GZMH: variants seen among roughly 807,000 people sequenced by gnomAD.
The protein encoded by GZMH is granzyme H, also known as cathepsin G-like 2, protein h-CCPX.
A neutral mutation model predicts 20.7 loss-of-function variants in GZMH; 24 were observed. The ratio of observed to expected loss-of-function variants is 1.16; its 90% CI spans 0.84 to 1.63. The LOEUF (loss-of-function observed/expected upper bound fraction) is 1.63, where lower values mean the gene tolerates loss of function less well. GZMH is among the 40% of genes most tolerant of loss of function. The pLI is 0.00. For missense variants in GZMH, 344 were observed against 302.7 expected (o/e 1.14, Z -1.01); for synonymous variants, 119 against 116.1 (o/e 1.02, Z -0.16).
chr14:24,608,281 CA>C lies in GZMH; in HGVS notation c.186del (p.Ala63LeufsTer8). The C allele has an allele frequency of 1.2e-6, 2 of 1,614,114 alleles. No homozygotes were observed. Among genetic ancestry groups the C allele is most frequent in the Non-Finnish European group, 1.7e-6 (2 of 1,179,992 alleles). On this transcript the variant is annotated frameshift_variant, in exon 2 of 5. Transcript: ENST00000216338. LOFTEE classifies it high-confidence loss of function. ...GCTCCTTACCTTCCCTGGCAGTGAGCAGCTGTCAGCACAAAGTCCTTTCTCA... is the reference window on the plus strand; with the variant it reads ...GCTCCTTACCTTCCCTGGCAGTGAGCGCTGTCAGCACAAAGTCCTTTCTCA... ...ILVRKDFVLTAAHCQGSSINV... is the reference protein window; with the variant it reads ...ILVRKDFVLTXAHCQGSSINV...
At position 24,609,664 on chromosome 14, in the gene GZMH, G is replaced by C. The variant is rs1260747304; in HGVS notation, c.-51C>G. On this transcript the variant is annotated 5_prime_UTR_variant, in exon 1 of 5. Transcript: ENST00000216338. ...GAGCTGTTGGTGTTGACTCCTTCCA[G>C]AAACAAATGCTGGAGGGAGATGAAG... The C allele has an allele frequency of 7.4e-7, 1 of 1,359,608 alleles. No individual in the cohort carries two copies. Among genetic ancestry groups the C allele is most frequent in the Admixed American group, 1.8e-5 (1 of 57,090 alleles). 84.2% of individuals were successfully genotyped at this position (1,359,608 alleles called of 1,614,324 possible).
Position 24,608,400 on chromosome 14 carries a change from C to G in GZMH, c.68G>C (p.Gly23Ala), listed in dbSNP as rs773404430. ...GGAGTGGGGCTTGGCCTCATGGCCC[C>G]CGATGATCTCCTCTGAAAGGAAAGA... Reference protein sequence around the residue: ...TPGAGTEEIIGGHEAKPHSRP... With the variant: ...TPGAGTEEIIAGHEAKPHSRP... Residue 23 changes from glycine to alanine, a missense_variant, in exon 2 of 5, where the codon GGG (glycine) becomes GCG (alanine). Gly to Ala is a moderately conservative substitution (Grantham distance 60, BLOSUM62 0). Coordinates refer to ENST00000216338, the MANE Select transcript of GZMH (RefSeq NM_033423.5). 4 of 1,613,888 alleles carry G rather than the reference C, an allele frequency of 2.5e-6. No homozygotes were observed. The highest frequency in any genetic ancestry group is 2.5e-6 in the Non-Finnish European group (3 of 1,179,938).
Position 24,607,226 on chromosome 14 carries a change from G to T in GZMH, c.520C>A (p.Arg174Ser). 6.2e-7 allele frequency: 1 copy of T among 1,614,052 alleles called. No homozygotes were observed. Among genetic ancestry groups the T allele is most frequent in the Non-Finnish European group, 8.5e-7 (1 of 1,179,954 alleles). Residue 174 changes from arginine (R) to serine (S), a missense_variant, in exon 4 of 5, where the codon CGT becomes AGT. By Grantham distance (110) the Arg-to-Ser change is moderately radical. Coordinates refer to ENST00000216338, the MANE Select transcript of GZMH (RefSeq NM_033423.5). ...CTGCTGTAATTGCCATGGAAGAGAC[G>T]TTCACACTGGCAGTCCTTCTGCACT... Reference protein sequence around the residue: ...LTVQKDCQCERLFHGNYSRAT... With the variant: ...LTVQKDCQCESLFHGNYSRAT...
Position 24,606,533 on chromosome 14 carries a change from C to G in GZMH, c.*70G>C. 8 of 1,461,366 alleles carry G rather than the reference C, an allele frequency of 5.5e-6. No individual in the cohort carries two copies. Among genetic ancestry groups the G allele is most frequent in the Non-Finnish European group, 7.5e-6 (8 of 1,067,630 alleles). The allele number at this position is 1,461,366 out of a possible 1,614,324, so 90.5% of individuals were successfully genotyped here. A position where few individuals can be genotyped will look rare whatever the true frequency, so the allele number is the denominator to read the frequency against. On this transcript the variant is annotated 3_prime_UTR_variant, in exon 5 of 5. Coordinates refer to ENST00000216338, the MANE Select transcript of GZMH (RefSeq NM_033423.5). The stretch of plus-strand genomic sequence containing the variant: ...ACAGTCCTGCAACCCCGACTGCCCA[C>G]CCCTTGGGGATTCTTGCCTCTGTCC...
rs529164462 is a variant in GZMH at position 24,608,403 on chromosome 14, A to G, written c.65T>C (p.Ile22Thr). 3 of 1,614,002 alleles carry G rather than the reference A, an allele frequency of 1.9e-6. No homozygotes were observed. In the Admixed American group the frequency reaches 5.0e-5, roughly 27 times the overall value. ...GTGGGGCTTGGCCTCATGGCCCCCGATGATCTCCTCTGAAAGGAAAGACTG... is the reference window on the plus strand; with the variant it reads ...GTGGGGCTTGGCCTCATGGCCCCCGGTGATCTCCTCTGAAAGGAAAGACTG... ...LTPGAGTEEI[I>T]GGHEAKPHSR... is the part of the protein sequence containing the mutation. The change falls in exon 2 of 5, where the codon ATC (isoleucine) becomes ACC (threonine). Residue 22 changes from isoleucine (I) to threonine (T), a missense_variant. Ile to Thr is a moderately conservative substitution (Grantham distance 89, BLOSUM62 -1). Coordinates refer to ENST00000216338, the MANE Select transcript of GZMH (RefSeq NM_033423.5).
Position 24,606,592 on chromosome 14 carries a change from C to G in GZMH, c.*11G>C, listed in dbSNP as rs751907479. 2 of 1,611,246 alleles carry G rather than the reference C, an allele frequency of 1.2e-6. No individual in the cohort carries two copies. The highest frequency in any genetic ancestry group is 1.7e-6 in the Non-Finnish European group (2 of 1,178,870). On this transcript the variant is annotated 3_prime_UTR_variant, in exon 5 of 5. Coordinates refer to ENST00000216338, the MANE Select transcript of GZMH (RefSeq NM_033423.5). ...GTCAGGCCCAGAGGAAGGTTAGTCT[C>G]ATGCCTGCTGTTAGAGGCGCTTCAT...
chr14:24,608,367 T>C lies in GZMH; in HGVS notation c.101A>G (p.Tyr34Cys). The C allele has an allele frequency of 6.2e-7, 1 of 1,614,158 alleles. No homozygotes were observed. The highest frequency in any genetic ancestry group is 2.2e-5 in the East Asian group (1 of 44,884). The change falls in exon 2 of 5, where the codon TAC (tyrosine) becomes TGC (cysteine). Residue 34 changes from tyrosine (Y) to cysteine (C), a missense_variant. Coordinates refer to ENST00000216338, the MANE Select transcript of GZMH (RefSeq NM_033423.5). Reference sequence around the variant, plus strand: ...TTGCAGAAACTGAACAAAGGCCATGTAGGGGCGGGAGTGGGGCTTGGCCTC... The same window carrying C: ...TTGCAGAAACTGAACAAAGGCCATGCAGGGGCGGGAGTGGGGCTTGGCCTC... The part of the protein sequence containing the change: ...GHEAKPHSRP[Y>C]MAFVQFLQEK...
chr14:24,608,845 G>T (rs1298009521), intron 1 of GZMH, among the ~76,000 whole-genome samples: 4 of 152,184 alleles, frequency 2.6e-5, no homozygotes, highest in Non-Finnish European at 4.4e-5. Context: ...ATTCTCATGT[G>T]CCAGGGCTGA....
At position 24,608,585 on chromosome 14, in the gene GZMH, C is replaced by T. The variant is rs184112053; in HGVS notation, c.56-173G>A. On this transcript the variant is annotated intron_variant, in intron 1 of 4. Coordinates refer to ENST00000216338, the MANE Select transcript of GZMH (RefSeq NM_033423.5). ...TGCAGGCAGAGCAAGCTTTTCTGAA[C>T]TTTAAGTCTCAGAACCTTCTCTCAG... Among the ~76,000 whole-genome samples the T allele has an allele frequency of 3.3e-5, 5 of 152,334 alleles. No individual in the cohort carries two copies. The East Asian group carries it at 9.6e-4, about 29-fold the overall frequency.
intron 1 of GZMH, 91 bp from the exon 2 acceptor site, chr14:24,608,503 T>C: frequency 3.5e-6 from 5 of 1,430,442 alleles, no homozygotes; most frequent in Non-Finnish European, 4.9e-6. Context: ...GTGAAGTGTT[T>C]TGTGTGCTGC....
chr14:24,606,938 C>T (rs149188440), intron 4 of GZMH, among the ~76,000 whole-genome samples, 192 bp from the exon 5 acceptor site: 48 of 152,312 alleles, frequency 3.2e-4, no homozygotes, highest in South Asian at 1.0e-3. Context: ...CTCACGGACA[C>T]TTTGGTGATA....
chr14:24,608,213 A>G lies in GZMH; in HGVS notation c.203+52T>C. The G allele has an allele frequency of 1.9e-6, 3 of 1,604,038 alleles. No individual in the cohort carries two copies. In the South Asian group the frequency reaches 3.3e-5, roughly 18 times the overall value. ...CCTGGGCTGCAGTCCCCAGGAGAAA[A>G]CAAGGGTCCCTGTAGGGGGAACTCA... On this transcript the variant is annotated intron_variant, in intron 2 of 4. Transcript: ENST00000216338.
At chr14:24,608,532 C>A (rs965362966) in intron 1 of GZMH, 120 bp from the exon 2 acceptor site, 1 of 1,072,778 alleles carries the variant, frequency 9.3e-7, no homozygotes. Context: ...AGGGAGGGGT[C>A]CTCCTGAGCT....
Position 24,609,568 on chromosome 14 carries a change from C to A in GZMH, c.46G>T (p.Ala16Ser). 1 of 1,608,138 alleles carries A rather than the reference C, an allele frequency of 6.2e-7. No homozygotes were observed. The highest frequency in any genetic ancestry group is 8.5e-7 in the Non-Finnish European group (1 of 1,176,830). The change falls in exon 1 of 5, where the codon GCT (alanine) becomes TCT (serine). Residue 16 changes from alanine to serine, a missense_variant. Ala to Ser is a moderately conservative substitution (Grantham distance 99). Transcript: ENST00000216338. ...AGGGATAGTCACTTACCTGTCCCAG[C>A]CCCAGGGGTCAGAAGAAAGGCCAAC... is the stretch of plus-strand genomic sequence containing the variant. ...LLLAFLLTPG[A>S]GTEEIIGGHE...
intron 4 of GZMH, 86 bp from the exon 5 acceptor site, chr14:24,606,832 G>T: frequency 1.6e-6 from 2 of 1,276,802 alleles, no homozygotes; most frequent in Non-Finnish European, 2.2e-6. Flanking sequence ...TCAGTGCCAG[G>T]CAGGCCTTGT....
chr14:24,608,726 T>C (rs2066890721), intron 1 of GZMH, among the ~76,000 whole-genome samples: 1 of 152,218 alleles, frequency 6.6e-6, no homozygotes, highest in African/African-American at 2.4e-5. Flanking sequence ...CTTCCCAGGC[T>C]CCTCCTTTTT....
Sources: gnomAD v4.1 joint callset for allele counts (sites outside exome capture counted in the v4.1 genomes callset) on GRCh38, gnomAD v4.1.1 for gene constraint, MANE v1.5 for transcripts, NCBI Gene and HGNC (gene_info 2026-07-23, HGNC 2026-07-21) for gene names.